PDE7B: variants seen among roughly 807,000 people sequenced by gnomAD.
PDE7B encodes the protein phosphodiesterase 7B, also known as 3',5'-cyclic-AMP phosphodiesterase 7B.
In PDE7B, 29 loss-of-function variants were observed where a neutral mutation model predicts 56.2. The observed-to-expected ratio is 0.52, with a 90% CI of 0.38 to 0.70. The LOEUF is 0.70. Among genes scored for constraint, PDE7B ranks in the 30% least tolerant of loss-of-function variants. PDE7B has a pLI of 0.00. For synonymous variants in PDE7B, 197 were observed against 196.9 expected, an observed-to-expected ratio of 1.00 and a Z score of 0.00; for missense variants, 490 against 565.0, an observed-to-expected ratio of 0.87 and a Z score of 1.35.
chr6:135,882,118 A>G (rs1215117599), intron 1 of PDE7B, among the ~76,000 whole-genome samples: 1 of 152,342 alleles, frequency 6.6e-6, no homozygotes, highest in East Asian at 1.9e-4. Flanking sequence ...GGCTGGCAGG[A>G]GCAGCTGGCC....
chr6:135,950,774 C>G (rs946698682), intron 2 of PDE7B, among the ~76,000 whole-genome samples: 3 of 152,086 alleles, frequency 2.0e-5, no homozygotes, highest in Admixed American at 6.6e-5. Flanking sequence ...TGGCGAGTCC[C>G]CATATCATTC....
chr6:136,125,296 C>T (rs1029898072), intron 3 of PDE7B, among the ~76,000 whole-genome samples: 4 of 151,994 alleles, frequency 2.6e-5, no homozygotes, highest in Admixed American at 1.3e-4. Flanking sequence ...AGTAAGGGCC[C>T]GGGCATGGTC....
chr6:135,965,008 G>A (rs999799489), intron 2 of PDE7B, among the ~76,000 whole-genome samples: 2 of 152,190 alleles, frequency 1.3e-5, no homozygotes, highest in East Asian at 1.9e-4. Context: ...GGGTGTGGTG[G>A]CGTGCGCCTA....
At chr6:136,049,642 G>C (rs985372200) in intron 2 of PDE7B, among the ~76,000 whole-genome samples, 2 of 152,138 alleles carry the variant, frequency 1.3e-5, no homozygotes, top group African/African-American at 2.4e-5. Context: ...CTTTAGGATG[G>C]TTAAGATCTC....
intron 1 of PDE7B, among the ~76,000 whole-genome samples, chr6:135,880,416 T>G (rs1289107983): frequency 6.6e-6 from 1 of 151,894 alleles, no homozygotes; most frequent in East Asian, 1.9e-4. Flanking sequence ...ATGGGTGGAG[T>G]CAAGAGGCAC....
intron 2 of PDE7B, among the ~76,000 whole-genome samples, chr6:135,965,792 C>T (rs1774988040): frequency 6.6e-6 from 1 of 151,966 alleles, no homozygotes; most frequent in Non-Finnish European, 1.5e-5. Context: ...AACCATATCA[C>T]CAAGGAATGA....
At chr6:135,926,103 G>GGGGGGGT in intron 1 of PDE7B, among the ~76,000 whole-genome samples, 1 of 108,870 alleles carries the variant, frequency 9.2e-6, no homozygotes, top group Non-Finnish European at 2.0e-5. Context: ...GGGGGGGGAG[G>GGGGGGGT]GGGGATGGAG....
At chr6:135,973,851 C>T (rs547323024) in intron 2 of PDE7B, among the ~76,000 whole-genome samples, 1 of 152,280 alleles carries the variant, frequency 6.6e-6, no homozygotes, top group Admixed American at 6.5e-5. Flanking sequence ...TGAACGGTAA[C>T]ACTTTAGTTG....
At chr6:136,157,120 A>T (rs1778621702) in intron 8 of PDE7B, among the ~76,000 whole-genome samples, 1 of 152,192 alleles carries the variant, frequency 6.6e-6, no homozygotes, top group Admixed American at 6.5e-5. Context: ...ATAAACAGAT[A>T]ATTAATAGAA....
At chr6:136,033,502 T>C (rs1348222835) in intron 2 of PDE7B, among the ~76,000 whole-genome samples, 1 of 152,176 alleles carries the variant, frequency 6.6e-6, no homozygotes, top group Non-Finnish European at 1.5e-5. Context: ...AGGTCTTCCC[T>C]TCTGCTGTTG....
intron 3 of PDE7B, chr6:136,112,718 C>G (rs1777769469): frequency 6.6e-6 from 1 of 151,882 alleles, no homozygotes. Flanking sequence ...AGAGAGGGAA[C>G]CTCTGTTATT....
rs200270158 is a variant in PDE7B, at chr6:136,076,918, T to C, written c.83-31813T>C. On this transcript the variant is annotated intron_variant, in intron 2 of 12. Transcript: ENST00000308191. ...CACCCAGGGAAAAAAACTAAGGTTA[T>C]TGACATTTGTTCAGGGGTCCCTGAA... 1.4e-4 allele frequency among the ~76,000 whole-genome samples: 21 copies of C among 152,280 alleles called. No homozygotes were observed. In the East Asian group the frequency reaches 2.9e-3, roughly 21 times the overall value.
chr6:136,035,264 G>A (rs1776308236), intron 2 of PDE7B: 1 of 152,060 alleles, frequency 6.6e-6, no homozygotes, highest in South Asian at 2.1e-4. Flanking sequence ...GAAAATTATA[G>A]GTTTACAGGC....
intron 8 of PDE7B, among the ~76,000 whole-genome samples, chr6:136,160,731 C>G (rs1562509517): frequency 6.6e-6 from 1 of 152,096 alleles, no homozygotes; most frequent in East Asian, 1.9e-4. Context: ...CTGATCTGAC[C>G]CCTGCCAGTC....
At chr6:135,963,245 T>G (rs1774939093) in intron 2 of PDE7B, among the ~76,000 whole-genome samples, 1 of 152,196 alleles carries the variant, frequency 6.6e-6, no homozygotes, top group Admixed American at 6.5e-5. Flanking sequence ...AATTTGCAGT[T>G]TTCATTAAGC....
chr6:136,167,676 G>A (rs1191617640), intron 8 of PDE7B, among the ~76,000 whole-genome samples: 1 of 152,142 alleles, frequency 6.6e-6, no homozygotes, highest in Non-Finnish European at 1.5e-5. Flanking sequence ...TTTCTTGTCT[G>A]TTTTGTTCAC....
At chr6:135,961,862 G>A (rs1435760870) in intron 2 of PDE7B, among the ~76,000 whole-genome samples, 1 of 152,136 alleles carries the variant, frequency 6.6e-6, no homozygotes, top group Non-Finnish European at 1.5e-5. Context: ...AAGGGAGTGA[G>A]GGCTGAATAG....
At chr6:136,088,307 G>A (rs190424414) in intron 2 of PDE7B, among the ~76,000 whole-genome samples, 10 of 152,136 alleles carry the variant, frequency 6.6e-5, no homozygotes, top group Non-Finnish European at 1.5e-4. Flanking sequence ...GCCCCACAAG[G>A]GGGGAGTGGA....
intron 2 of PDE7B, among the ~76,000 whole-genome samples, chr6:135,960,823 A>AGT (rs1774886612): frequency 6.6e-6 from 1 of 152,220 alleles, no homozygotes; most frequent in Non-Finnish European, 1.5e-5. Context: ...ATGAAATTAA[A>AGT]GAGTATATTC....
Sources: allele counts gnomAD v4.1 joint callset (sites outside exome capture counted in the v4.1 genomes callset), GRCh38; gene constraint gnomAD v4.1.1; transcripts MANE v1.5; gene names NCBI Gene and HGNC (gene_info 2026-07-23, HGNC 2026-07-21).